RAD51B: variants seen among roughly 807,000 people sequenced by gnomAD.
The protein encoded by RAD51B is DNA repair protein RAD51 homolog 2.
RAD51B carries 38 observed loss-of-function variants against 42.2 expected under a neutral mutation model. That is an observed-to-expected ratio of 0.90 (90% CI 0.70 to 1.18). The LOEUF is 1.18. Among genes scored for constraint, RAD51B ranks in the 50% most tolerant of loss-of-function variants. The probability of loss-of-function intolerance (pLI) is 0.00; values close to 1 mark genes in which losing one functional copy is unlikely to be tolerated. For missense variants in RAD51B, 373 were observed against 400.7 expected, an observed-to-expected ratio of 0.93 and a Z score of 0.59; for synonymous variants, 154 against 145.2, an observed-to-expected ratio of 1.06 and a Z score of -0.43.
chr14:67,894,122 A>G (rs1595072557), intron 7 of RAD51B, among the ~76,000 whole-genome samples: 1 of 152,252 alleles, frequency 6.6e-6, no homozygotes, highest in Admixed American at 6.5e-5. Flanking sequence ...TATCTGACTC[A>G]TAGGGCTGTG....
chr14:67,945,994 T>C (rs2045378635), intron 7 of RAD51B, among the ~76,000 whole-genome samples: 1 of 152,102 alleles, frequency 6.6e-6, no homozygotes, highest in African/African-American at 2.4e-5. Context: ...CAGTTCAGGA[T>C]TGTGGAAAGA....
intron 7 of RAD51B, among the ~76,000 whole-genome samples, chr14:68,262,849 C>G (rs1165050344): frequency 5.3e-5 from 8 of 152,150 alleles, no homozygotes; most frequent in African/African-American, 1.9e-4. Context: ...TAAATTATAT[C>G]CCCTTTTTCC....
chr14:68,374,687 A>G (rs1382646446), intron 8 of RAD51B, among the ~76,000 whole-genome samples: 2 of 151,026 alleles, frequency 1.3e-5, no homozygotes, highest in Admixed American at 1.3e-4. Context: ...ACGCCTCATT[A>G]TAGATGTGTC....
intron 7 of RAD51B, among the ~76,000 whole-genome samples, chr14:68,194,555 G>T (rs1345064689): frequency 6.6e-6 from 1 of 152,202 alleles, no homozygotes; most frequent in Non-Finnish European, 1.5e-5. Context: ...CAGCTGCTGT[G>T]TAGCTTTGAG....
chr14:68,017,412 T>A (rs1167346612), intron 7 of RAD51B, among the ~76,000 whole-genome samples: 2 of 152,024 alleles, frequency 1.3e-5, no homozygotes, highest in Non-Finnish European at 2.9e-5. Flanking sequence ...CCTAGGGTGG[T>A]CTTGAACTCC....
rs181864248 is a variant in RAD51B, at chr14:68,417,893, G to C, written c.957+6366G>C. Among the ~76,000 whole-genome samples, 19 of 152,298 alleles carry C rather than the reference G, an allele frequency of 1.2e-4. No individual in the cohort carries two copies. The East Asian group carries it at 3.7e-3, about 29-fold the overall frequency. On this transcript the variant is annotated intron_variant, in intron 9 of 10. Coordinates refer to ENST00000471583, the MANE Select transcript of RAD51B (RefSeq NM_133510.4). ...TCTTAAGAGGGTTCCGCTGGAAATT[G>C]CCAGCTGAAAATACACAGGTACAAT... is the stretch of plus-strand genomic sequence containing the variant.
At chr14:67,952,646 A>C (rs1426039335) in intron 7 of RAD51B, among the ~76,000 whole-genome samples, 1 of 152,116 alleles carries the variant, frequency 6.6e-6, no homozygotes, top group Non-Finnish European at 1.5e-5. Flanking sequence ...TTTAAACTTA[A>C]TGAAGTGAAG....
intron 7 of RAD51B, among the ~76,000 whole-genome samples, chr14:68,125,749 G>GTTTTTTTT (rs200535359): frequency 7.1e-6 from 1 of 141,126 alleles, no homozygotes; most frequent in African/African-American, 3.0e-5. Context: ...TTTTTGTTTT[G>GTTTTTTTT]TTTTGTTTTG....
chr14:68,035,766 A>G lies in RAD51B; in HGVS notation c.756+148562A>G, dbSNP rs144266534. Among the ~76,000 whole-genome samples, 352 of 152,318 alleles carry G rather than the reference A, an allele frequency of 2.3e-3. 1 individual carries two copies. The highest frequency in any genetic ancestry group is 8.2e-3 in the African/African-American group (341 of 41,574). On this transcript the variant is annotated intron_variant, in intron 7 of 10. Coordinates refer to ENST00000471583, the MANE Select transcript of RAD51B (RefSeq NM_133510.4). The stretch of plus-strand genomic sequence containing the variant: ...AGAGGCCTGAAGACTATTTTTTAAT[A>G]CTAATTTTCTAATTCCTCATTTTTT...
intron 7 of RAD51B, among the ~76,000 whole-genome samples, chr14:68,184,906 C>T (rs1196918391): frequency 6.6e-6 from 1 of 152,116 alleles, no homozygotes; most frequent in African/African-American, 2.4e-5. Context: ...AGTTTTAGTC[C>T]TAGCTTTGAC....
At chr14:67,944,937 T>C (rs73282441) in intron 7 of RAD51B, among the ~76,000 whole-genome samples, 4,038 of 152,256 alleles carry the variant, frequency 0.027, 181 homozygotes, top group African/African-American at 0.092. Context: ...TGAATCATTG[T>C]GATTGTTGGA....
At chr14:67,850,514 G>A (rs1000095717) in intron 4 of RAD51B, among the ~76,000 whole-genome samples, 2 of 152,170 alleles carry the variant, frequency 1.3e-5, no homozygotes, top group Non-Finnish European at 1.5e-5. Flanking sequence ...GCCAGTAGAT[G>A]ATGCTTACGG....
At chr14:68,461,171 A>G (rs531496305) in intron 9 of RAD51B, among the ~76,000 whole-genome samples, 12 of 152,184 alleles carry the variant, frequency 7.9e-5, no homozygotes, top group African/African-American at 2.9e-4. Flanking sequence ...GGCTGGAGAA[A>G]TCGGCTGAAG....
chr14:68,535,148 C>A (rs575254431), intron 10 of RAD51B, among the ~76,000 whole-genome samples: 69 of 152,196 alleles, frequency 4.5e-4, no homozygotes, highest in Admixed American at 4.1e-3. Flanking sequence ...GGTGGATGTA[C>A]AGAACAATCT....
downstream of RAD51B, among the ~76,000 whole-genome samples, chr14:68,615,385 G>A (rs369583327): frequency 9.3e-5 from 14 of 150,852 alleles, 1 homozygote; most frequent in South Asian, 4.2e-4. Context: ...TCGCTCTGTC[G>A]CCCAGGCTGG....
Position 68,308,932 on chromosome 14 carries a change from A to C in RAD51B, c.853+16952A>C, listed in dbSNP as rs190451116. Among the ~76,000 whole-genome samples the C allele has an allele frequency of 2.8e-4, 43 of 152,292 alleles. No homozygotes were observed. In the East Asian group the frequency reaches 7.7e-3, roughly 27 times the overall value. Reference sequence around the variant, plus strand: ...TATTGGAAAAGCTGCCCTTGCTCTCAGCTCATGGACAAAACTGAGAGAGAA... The same window carrying C: ...TATTGGAAAAGCTGCCCTTGCTCTCCGCTCATGGACAAAACTGAGAGAGAA... On this transcript the variant is annotated intron_variant, in intron 8 of 10. Transcript: ENST00000471583.
chr14:68,540,334 C>T (rs1052132614), intron 10 of RAD51B: 5 of 1,050,356 alleles, frequency 4.8e-6, no homozygotes, highest in Non-Finnish European at 5.7e-6. Flanking sequence ...CAGACCTCTT[C>T]TAGCTACGAA....
chr14:68,640,631 A>C (rs901831656), intron 10 of RAD51B, among the ~76,000 whole-genome samples: 3 of 152,254 alleles, frequency 2.0e-5, no homozygotes, highest in African/African-American at 7.2e-5. Context: ...CAATGATAGT[A>C]GTATTTTTAG....
At chr14:68,126,359 T>A (rs2077759887) in intron 7 of RAD51B, among the ~76,000 whole-genome samples, 1 of 152,222 alleles carries the variant, frequency 6.6e-6, no homozygotes, top group Non-Finnish European at 1.5e-5. Context: ...AAAAAAAGTC[T>A]CATACTCAGC....
Sources: gnomAD v4.1 joint callset for allele counts (sites outside exome capture counted in the v4.1 genomes callset) on GRCh38, gnomAD v4.1.1 for gene constraint, MANE v1.5 for transcripts, NCBI Gene and HGNC (gene_info 2026-07-23, HGNC 2026-07-21) for gene names.